DNAJA4: variants seen among roughly 807,000 people sequenced by gnomAD.
DNAJA4 encodes dnaJ homolog subfamily A member 4.
In DNAJA4, 32 loss-of-function variants were observed where a neutral mutation model predicts 39.7. The observed-to-expected ratio is 0.81, with a 90% confidence interval of 0.61 to 1.08. The LOEUF (loss-of-function observed/expected upper bound fraction) is 1.08, where lower values mean the gene tolerates loss of function less well. DNAJA4 is among the 50% of genes least tolerant of loss of function. DNAJA4 has a pLI of 0.00. For missense variants in DNAJA4, 439 were observed against 505.1 expected, an observed-to-expected ratio of 0.87 and a Z score of 1.25; for synonymous variants, 184 against 182.4, an observed-to-expected ratio of 1.01 and a Z score of -0.07.
rs145346632 is a variant in DNAJA4 at position 78,274,372 on chromosome 15, C to T, written c.594C>T (p.Ser198=). 124 of 1,614,010 alleles carry T rather than the reference C, an allele frequency of 7.7e-5. No individual in the cohort carries two copies. The highest frequency in any genetic ancestry group is 9.8e-5 in the Non-Finnish European group (116 of 1,180,036). ...INPKDRCESC[S]GAKVIREKKI... is the part of the protein sequence containing the mutation. ...CCAAGGACCGCTGCGAGAGCTGCAG[C>T]GGGGCCAAGGTGATCCGTGAGAAGA... is the stretch of plus-strand genomic sequence containing the variant. The change falls in exon 4 of 7, where the codon AGC becomes AGT. Residue 198 remains serine (S), a synonymous_variant. Coordinates refer to ENST00000394852, the MANE Select transcript of DNAJA4 (RefSeq NM_001130182.2).
At chr15:78,273,728 G>A (rs2073379240) in intron 3 of DNAJA4, among the ~76,000 whole-genome samples, 2 of 152,284 alleles carry the variant, frequency 1.3e-5, no homozygotes, top group South Asian at 2.1e-4. Flanking sequence ...TGACTTAAAT[G>A]TATATATAAT....
Position 78,264,827 on chromosome 15 carries a change from A to C in DNAJA4, c.64A>C (p.Ile22Leu). 6.2e-7 allele frequency: 1 copy of C among 1,610,200 alleles called. No individual in the cohort carries two copies. The highest frequency in any genetic ancestry group is 8.5e-7 in the Non-Finnish European group (1 of 1,178,372). The change falls in exon 1 of 7, where the codon ATC (isoleucine) becomes CTC (leucine). Residue 22 changes from isoleucine (I) to leucine (L), a missense_variant. Coordinates refer to ENST00000394852, the MANE Select transcript of DNAJA4 (RefSeq NM_001130182.2). ...GVKPSASPEEIKKAYRKLALK... is the reference protein window; with the variant it reads ...GVKPSASPEELKKAYRKLALK... ...GAAGCCCAGCGCGTCCCCGGAGGAG[A>C]TCAAGAAGGCCTATCGGAAGCTGGC...
chr15:78,278,826 A>ATT (rs33990133), intron 5 of DNAJA4, among the ~76,000 whole-genome samples: 23,401 of 87,330 alleles, frequency 0.27, 3,626 homozygotes, highest in East Asian at 0.42. Context: ...TAGTTTTTCT[A>ATT]TTTTTTTTTT....
At chr15:78,269,434 CAA>C (rs2049233222) in intron 1 of DNAJA4, among the ~76,000 whole-genome samples, 1 of 152,172 alleles carries the variant, frequency 6.6e-6, no homozygotes, top group Non-Finnish European at 1.5e-5. Flanking sequence ...ATGAGTGATA[CAA>C]TGAACACCTA....
chr15:78,266,404 C>A, intron 1 of DNAJA4: 1 of 850,100 alleles, frequency 1.2e-6, no homozygotes, highest in East Asian at 2.7e-5. Context: ...AGGTTTCACC[C>A]TGTCTATACC....
chr15:78,274,452 C>T, intron 4 of DNAJA4, 28 bp downstream of exon 4: 1 of 1,603,112 alleles, frequency 6.2e-7, no homozygotes, highest in Non-Finnish European at 8.5e-7. Flanking sequence ...TGGTGCTCCA[C>T]ACGGGCTGGA....
At chr15:78,278,016 T>C (rs1253753869) in intron 5 of DNAJA4, 1 of 455,788 alleles carries the variant, frequency 2.2e-6, no homozygotes. Flanking sequence ...CCATTTTCTC[T>C]TCTCCCTCTT....
chr15:78,270,655 A>G lies in DNAJA4; in HGVS notation c.291A>G (p.Gly97=), dbSNP rs768591833. Residue 97 remains glycine (G), a synonymous_variant, in exon 2 of 7, where the codon GGA becomes GGG. Coordinates refer to ENST00000394852, the MANE Select transcript of DNAJA4 (RefSeq NM_001130182.2). ...DIFDMFFGGG[G]RMARERRGKN... ...TTGACATGTTCTTTGGTGGTGGTGG[A>G]CGGATGGCTAGAGAGAGAAGAGGTA... 2.5e-6 allele frequency: 4 copies of G among 1,613,980 alleles called. No homozygotes were observed. The highest frequency in any genetic ancestry group is 1.6e-4 in the Middle Eastern group (1 of 6,062).
chr15:78,264,268 T>C, upstream of DNAJA4: 2 of 1,287,332 alleles, frequency 1.6e-6, no homozygotes, highest in African/African-American at 3.1e-5. Context: ...GGGACAGTTG[T>C]CGGAGGGCGC....
rs767948032 is a variant in DNAJA4, at chr15:78,274,338, G to A, written c.560G>A (p.Arg187His). Reference protein sequence around the residue: ...VCIECKGQGERINPKDRCESC... With the variant: ...VCIECKGQGEHINPKDRCESC... ...ATCGAGTGCAAGGGCCAGGGTGAGC[G>A]CATCAACCCCAAGGACCGCTGCGAG... Residue 187 changes from arginine to histidine, a missense_variant, in exon 4 of 7, where the codon CGC (arginine) becomes CAC (histidine). Coordinates refer to ENST00000394852, the MANE Select transcript of DNAJA4 (RefSeq NM_001130182.2). The A allele has an allele frequency of 9.9e-6, 16 of 1,614,082 alleles. No individual in the cohort carries two copies. Among genetic ancestry groups the A allele is most frequent in the East Asian group, 6.7e-5 (3 of 44,896 alleles).
intron 5 of DNAJA4, 22 bp from the exon 6 acceptor site, chr15:78,280,023 T>A: frequency 6.2e-7 from 1 of 1,612,928 alleles, no homozygotes; most frequent in Non-Finnish European, 8.5e-7. Context: ...TCCTCCTTCC[T>A]AATTGACCCT....
Position 78,265,395 on chromosome 15 carries a change from T to C in DNAJA4, c.132+500T>C, listed in dbSNP as rs982941476. The C allele has an allele frequency of 2.6e-5, 18 of 680,924 alleles. No individual in the cohort carries two copies. The African/African-American group carries it at 2.6e-4, about 10-fold the overall frequency. 42.2% of individuals were successfully genotyped at this position (680,924 alleles called of 1,614,324 possible). A position where few individuals can be genotyped will look rare whatever the true frequency, so the allele number is the denominator to read the frequency against. On this transcript the variant is annotated intron_variant, in intron 1 of 6. Transcript: ENST00000394852. ...ACAAACGCCGTGCCTCTCTTGAGAA[T>C]GACTAGCTGGATTTGTTCTGTGCAC...
chr15:78,267,136 A>G (rs199581335), intron 1 of DNAJA4, among the ~76,000 whole-genome samples: 26 of 103,270 alleles, frequency 2.5e-4, no homozygotes, highest in African/African-American at 4.9e-4. Context: ...GTGAGTGTGT[A>G]TGTGAGTGTG....
rs751151094 is a variant in DNAJA4 at position 78,279,966 on chromosome 15, G to A, written c.878-79G>A. Reference sequence around the variant, plus strand: ...CTGCCACGGGGCACTAGGGCCTGCCGCAGGCTCTCCCATGAGGGAGAACGA... The same window carrying A: ...CTGCCACGGGGCACTAGGGCCTGCCACAGGCTCTCCCATGAGGGAGAACGA... On this transcript the variant is annotated intron_variant, in intron 5 of 6. Coordinates refer to ENST00000394852, the MANE Select transcript of DNAJA4 (RefSeq NM_001130182.2). The surrounding 1 kb of genome is among the most constrained non-coding windows in gnomAD (Gnocchi z 4.5). 2.2e-4 allele frequency: 314 copies of A among 1,406,754 alleles called. No homozygotes were observed. The highest frequency in any genetic ancestry group is 8.9e-4 in the Middle Eastern group (5 of 5,590). 87.1% of individuals were successfully genotyped at this position (1,406,754 alleles called of 1,614,324 possible). A position where few individuals can be genotyped will look rare whatever the true frequency, so the allele number is the denominator to read the frequency against.
rs2049583024 is a variant in DNAJA4, at chr15:78,279,309, GAA to G, written c.878-735_878-734del. 6.6e-6 allele frequency: 1 copy of G among 152,228 alleles called. No individual in the cohort carries two copies. The highest frequency in any genetic ancestry group is 2.1e-4 in the South Asian group (1 of 4,834). The allele number at this position is 152,228 out of a possible 1,614,324, so 9.4% of individuals were successfully genotyped here. A position where few individuals can be genotyped will look rare whatever the true frequency, so the allele number is the denominator to read the frequency against. On this transcript the variant is annotated intron_variant, in intron 5 of 6. Coordinates refer to ENST00000394852, the MANE Select transcript of DNAJA4 (RefSeq NM_001130182.2). This position sits in a 1 kb window ranked among gnomAD's most constrained non-coding sequence, Gnocchi z 4.5. Reference sequence around the variant, plus strand: ...CTTTGTCCATTTTCATCGCTGAGCTGAAGAGCATGCTTTATCAGAAACCCTTT... The same window carrying G: ...CTTTGTCCATTTTCATCGCTGAGCTGGAGCATGCTTTATCAGAAACCCTTT...
intron 1 of DNAJA4, among the ~76,000 whole-genome samples, chr15:78,266,496 C>T (rs1003691525): frequency 1.3e-5 from 2 of 152,032 alleles, no homozygotes; most frequent in African/African-American, 4.8e-5. Context: ...TAAATGAGGC[C>T]CTTGGCAGTG....
Position 78,280,744 on chromosome 15 carries a change from A to C in DNAJA4, c.*284A>C. 1 of 344,494 alleles carries C rather than the reference A, an allele frequency of 2.9e-6. No individual in the cohort carries two copies. The highest frequency in any genetic ancestry group is 5.3e-6 in the Non-Finnish European group (1 of 188,768). The allele number at this position is 344,494 out of a possible 1,614,324, so 21.3% of individuals were successfully genotyped here. On this transcript the variant is annotated 3_prime_UTR_variant, in exon 7 of 7. Coordinates refer to ENST00000394852, the MANE Select transcript of DNAJA4 (RefSeq NM_001130182.2). ...CTTTTGAGATGTCAGTGATTGCACC[A>C]ATACTTTGTGCTTCTAGTGGCTTTG...
At chr15:78,268,696 GT>G in intron 1 of DNAJA4, among the ~76,000 whole-genome samples, 1 of 152,252 alleles carries the variant, frequency 6.6e-6, no homozygotes, top group African/African-American at 2.4e-5. Context: ...TTATTTCTGA[GT>G]TCCCAGAATC....
chr15:78,265,938 C>G (rs2049109802), intron 1 of DNAJA4: 1 of 588,190 alleles, frequency 1.7e-6, no homozygotes, highest in Non-Finnish European at 3.0e-6. Context: ...CTGGAGAAAG[C>G]TACTTCAGGA....
Sources: gnomAD v4.1 joint callset for allele counts (sites outside exome capture counted in the v4.1 genomes callset) on GRCh38, gnomAD v4.1.1 for gene constraint, Gnocchi (gnomAD v3.1) non-coding constraint, MANE v1.5 for transcripts, NCBI Gene and HGNC (gene_info 2026-07-23, HGNC 2026-07-21) for gene names.